TMEM132B: variants seen among roughly 807,000 people sequenced by gnomAD.
The protein encoded by TMEM132B is transmembrane protein 132B.
Under a neutral mutation model 90.8 loss-of-function variants are expected in TMEM132B, and 18 were observed. The observed-to-expected ratio is 0.20, with a 90% confidence interval of 0.14 to 0.29. TMEM132B has a LOEUF of 0.29. TMEM132B is among the 10% of genes least tolerant of loss of function. The pLI, the probability that TMEM132B is intolerant of heterozygous loss-of-function variation, is 1.00. For synonymous variants in TMEM132B, 504 were observed against 523.3 expected, an observed-to-expected ratio of 0.96 and a Z score of 0.50; for missense variants, 1,096 against 1,326.8, an observed-to-expected ratio of 0.83 and a Z score of 2.70.
chr12:125,285,620 AGGTGAGGCCACCT>A (rs1875328329), intron 1 of TMEM132B, among the ~76,000 whole-genome samples: 1 of 152,226 alleles, frequency 6.6e-6, no homozygotes, highest in Non-Finnish European at 1.5e-5. Flanking sequence ...AGTGTTCACC[AGGTGAGGCCACCT>A]GGGCACAGGT....
chr12:125,449,676 G>A (rs1881098331), intron 3 of TMEM132B, among the ~76,000 whole-genome samples: 1 of 123,120 alleles, frequency 8.1e-6, no homozygotes, highest in South Asian at 2.5e-4. Flanking sequence ...GTATCAAATT[G>A]TGGGGTTTTT....
intron 1 of TMEM132B, among the ~76,000 whole-genome samples, chr12:125,282,479 C>T (rs890150609): frequency 5.9e-5 from 9 of 152,224 alleles, no homozygotes; most frequent in Non-Finnish European, 8.8e-5. Flanking sequence ...ACACTCTCCG[C>T]GTCTTCCATG....
intron 1 of TMEM132B, among the ~76,000 whole-genome samples, chr12:125,271,659 C>T (rs1328937825): frequency 6.6e-6 from 1 of 152,128 alleles, no homozygotes; most frequent in Non-Finnish European, 1.5e-5. Flanking sequence ...ACTATGTGCA[C>T]AGCTGGCATG....
intron 3 of TMEM132B, among the ~76,000 whole-genome samples, chr12:125,430,009 C>G (rs985968296): frequency 2.0e-5 from 3 of 152,210 alleles, no homozygotes; most frequent in South Asian, 2.1e-4. Context: ...CTCCACTTTA[C>G]TTTCTGATGC....
intron 1 of TMEM132B, among the ~76,000 whole-genome samples, chr12:125,317,044 C>T (rs1472635702): frequency 6.6e-6 from 1 of 152,132 alleles, no homozygotes; most frequent in South Asian, 2.1e-4. Context: ...GAATGGGGGG[C>T]TCCCGATCAA....
At chr12:125,539,923 G>A (rs1288021093) in intron 4 of TMEM132B, among the ~76,000 whole-genome samples, 2 of 151,990 alleles carry the variant, frequency 1.3e-5, no homozygotes, top group Non-Finnish European at 2.9e-5. Flanking sequence ...ATATATTAAG[G>A]TGAAAGCAGT....
At chr12:125,243,414 C>T (rs148905913) in intron 1 of TMEM132B, among the ~76,000 whole-genome samples, 8 of 151,922 alleles carry the variant, frequency 5.3e-5, no homozygotes, top group Non-Finnish European at 8.8e-5. Context: ...TCCAGCAATT[C>T]TCATGCCTCA....
Position 125,251,790 on chromosome 12 carries a change from C to T in TMEM132B, c.67+64924C>T, listed in dbSNP as rs1468901339. ...AGCTGATTTTCCTAGAAAGGCCATT[C>T]GTTTGGATTTTCATGTGAAATTTCC... is the stretch of plus-strand genomic sequence containing the variant. On this transcript the variant is annotated intron_variant, in intron 1 of 8. Transcript: ENST00000682704. The surrounding 1 kb of genome is among the most constrained non-coding windows in gnomAD (Gnocchi z 4.4). Among the ~76,000 whole-genome samples, 2 of 152,084 alleles carry T rather than the reference C, an allele frequency of 1.3e-5. No homozygotes were observed. Among genetic ancestry groups the T allele is most frequent in the African/African-American group, 2.4e-5 (1 of 41,408 alleles).
intron 4 of TMEM132B, among the ~76,000 whole-genome samples, chr12:125,521,423 ATAATG>A (rs1181380829): frequency 1.3e-5 from 2 of 152,244 alleles, no homozygotes; most frequent in Non-Finnish European, 2.9e-5. Context: ...ACATAGCTAC[ATAATG>A]TACAAAAAAT....
intron 3 of TMEM132B, among the ~76,000 whole-genome samples, chr12:125,515,221 C>A (rs987528384): frequency 1.3e-5 from 2 of 148,900 alleles, no homozygotes; most frequent in Non-Finnish European, 2.9e-5. Context: ...CACACGTTCA[C>A]ACATTCTCTC....
intron 5 of TMEM132B, among the ~76,000 whole-genome samples, chr12:125,605,237 C>T (rs971909489): frequency 1.3e-5 from 2 of 152,212 alleles, no homozygotes; most frequent in African/African-American, 2.4e-5. Context: ...TAATTGCTTC[C>T]TCTCATCTCT....
intron 4 of TMEM132B, among the ~76,000 whole-genome samples, chr12:125,530,656 C>T (rs562617069): frequency 6.6e-6 from 1 of 152,356 alleles, no homozygotes; most frequent in East Asian, 1.9e-4. Flanking sequence ...TTCCCTGCCT[C>T]TTCCAGCTTC....
chr12:125,510,497 T>G (rs1233684274), intron 3 of TMEM132B, among the ~76,000 whole-genome samples: 3 of 152,102 alleles, frequency 2.0e-5, no homozygotes, highest in Non-Finnish European at 2.9e-5. Flanking sequence ...AAAATATATT[T>G]GAGATTTAAA....
chr12:125,568,529 G>A (rs1477072060), intron 4 of TMEM132B, among the ~76,000 whole-genome samples: 1 of 152,072 alleles, frequency 6.6e-6, no homozygotes, highest in Non-Finnish European at 1.5e-5. Context: ...TGGAGACTGG[G>A]GTGCTGAGTG....
intron 7 of TMEM132B, 109 bp from the exon 8 acceptor site, chr12:125,652,332 C>A: frequency 1.0e-6 from 1 of 997,788 alleles, no homozygotes; most frequent in Non-Finnish European, 1.4e-6. Context: ...CCCACAAATG[C>A]ATGCATTGAG....
At chr12:125,573,567 C>CT (rs2136836612) in intron 4 of TMEM132B, among the ~76,000 whole-genome samples, 1 of 152,296 alleles carries the variant, frequency 6.6e-6, no homozygotes, top group African/African-American at 2.4e-5. Flanking sequence ...CCGAAAGTTA[C>CT]TTGTGACTCC....
intron 1 of TMEM132B, among the ~76,000 whole-genome samples, chr12:125,262,245 C>CAAA (rs11307058): frequency 1.3e-4 from 11 of 84,270 alleles, no homozygotes; most frequent in Admixed American, 6.9e-4. Context: ...CCTGTTTCTA[C>CAAA]AAAAAAAAAA....
chr12:125,560,311 C>T (rs1175622698), intron 4 of TMEM132B, among the ~76,000 whole-genome samples: 1 of 152,184 alleles, frequency 6.6e-6, no homozygotes, highest in East Asian at 1.9e-4. Context: ...CAAGAGAGAG[C>T]AGATCTGGGG....
intron 1 of TMEM132B, among the ~76,000 whole-genome samples, chr12:125,337,506 T>A (rs1244726957): frequency 6.6e-6 from 1 of 152,112 alleles, no homozygotes; most frequent in Non-Finnish European, 1.5e-5. Context: ...TATGTGACAC[T>A]CCTGCTTCTC....
Sources: allele counts gnomAD v4.1 joint callset (sites outside exome capture counted in the v4.1 genomes callset), GRCh38; gene constraint gnomAD v4.1.1; non-coding constraint Gnocchi (gnomAD v3.1); transcripts MANE v1.5; gene names NCBI Gene and HGNC (gene_info 2026-07-23, HGNC 2026-07-21).